KCNB2: variants seen among roughly 807,000 people sequenced by gnomAD.
The protein encoded by KCNB2 is potassium voltage-gated channel subfamily B member 2.
Under a neutral mutation model 61.5 loss-of-function variants are expected in KCNB2, and 15 were observed. That is an observed-to-expected ratio of 0.24 (90% CI 0.16 to 0.38). The LOEUF (loss-of-function observed/expected upper bound fraction) is 0.38, where lower values mean the gene tolerates loss of function less well. KCNB2 is among the 10% of genes least tolerant of loss of function. The pLI, the probability that KCNB2 is intolerant of heterozygous loss-of-function variation, is 1.00. For synonymous variants in KCNB2, 457 were observed against 446.0 expected (o/e 1.02, Z -0.31); for missense variants, 828 against 1,125.2 (o/e 0.74, Z 3.78).
At chr8:72,894,266 C>T (rs558232581) in intron 2 of KCNB2, among the ~76,000 whole-genome samples, 2 of 152,042 alleles carry the variant, frequency 1.3e-5, no homozygotes, top group East Asian at 3.9e-4. Context: ...AAGGGTGGAG[C>T]TCAGCAGGAG....
chr8:72,817,763 G>A (rs973991803), intron 2 of KCNB2, among the ~76,000 whole-genome samples: 1 of 152,068 alleles, frequency 6.6e-6, no homozygotes, highest in Admixed American at 6.6e-5. Flanking sequence ...ATTCCTTAGT[G>A]ACTGAAACAA....
intron 2 of KCNB2, among the ~76,000 whole-genome samples, chr8:72,641,397 T>C (rs894137764): frequency 6.6e-6 from 1 of 152,118 alleles, no homozygotes; most frequent in African/African-American, 2.4e-5. Context: ...AAGGGAGAGA[T>C]ATGTACTGTG....
chr8:72,756,628 T>A (rs1178093561), intron 2 of KCNB2, among the ~76,000 whole-genome samples: 1 of 152,186 alleles, frequency 6.6e-6, no homozygotes, highest in African/African-American at 2.4e-5. Context: ...AAGCCACCGA[T>A]TTAATCGAAA....
At chr8:72,784,016 GA>G (rs1452634478) in intron 2 of KCNB2, among the ~76,000 whole-genome samples, 1 of 152,036 alleles carries the variant, frequency 6.6e-6, no homozygotes, top group African/African-American at 2.4e-5. Flanking sequence ...AGTTCTAAGC[GA>G]ATATTCTAAT....
intron 2 of KCNB2, among the ~76,000 whole-genome samples, chr8:72,605,868 A>T (rs148085899): frequency 6.6e-6 from 1 of 152,164 alleles, no homozygotes; most frequent in South Asian, 2.1e-4. Flanking sequence ...TAACTTTTTG[A>T]TAGAAGCTGC....
intron 1 of KCNB2, among the ~76,000 whole-genome samples, chr8:72,539,314 A>C (rs1806159165): frequency 6.6e-6 from 1 of 152,206 alleles, no homozygotes; most frequent in African/African-American, 2.4e-5. Flanking sequence ...CTCTGAAAAT[A>C]CTGAAGGTCC....
rs1808329834 is a variant in KCNB2, at chr8:72,758,574, CTGTT to C, written c.580-177355_580-177352del. On this transcript the variant is annotated intron_variant, in intron 2 of 2. Transcript: ENST00000523207. ...CTCACTTTTCTGAGAGTAAAATCTCCTGTTTGTTTTATTCAAGATGCTCATCTGC... is the reference window on the plus strand; with the variant it reads ...CTCACTTTTCTGAGAGTAAAATCTCCTGTTTTATTCAAGATGCTCATCTGC... 4.6e-5 allele frequency among the ~76,000 whole-genome samples: 7 copies of C among 152,238 alleles called. No individual in the cohort carries two copies. The South Asian group carries it at 1.5e-3, about 32-fold the overall frequency.
chr8:72,614,360 T>C (rs143913495), intron 2 of KCNB2, among the ~76,000 whole-genome samples: 118 of 152,296 alleles, frequency 7.7e-4, no homozygotes, highest in African/African-American at 2.6e-3. Flanking sequence ...TGCATGATGG[T>C]AGGTGTGGAA....
chr8:72,640,766 A>G (rs2128985674), intron 2 of KCNB2, among the ~76,000 whole-genome samples: 1 of 152,262 alleles, frequency 6.6e-6, no homozygotes, highest in South Asian at 2.1e-4. Flanking sequence ...AACATAGCCA[A>G]TAGACTCTTC....
chr8:72,838,442 T>G (rs1246116004), intron 2 of KCNB2, among the ~76,000 whole-genome samples: 1 of 152,234 alleles, frequency 6.6e-6, no homozygotes, highest in Non-Finnish European at 1.5e-5. Context: ...GGACATGAAC[T>G]CATCCTTTTT....
chr8:72,576,735 C>G (rs1317109818), intron 2 of KCNB2, among the ~76,000 whole-genome samples: 1 of 152,184 alleles, frequency 6.6e-6, no homozygotes, highest in Non-Finnish European at 1.5e-5. Context: ...TTCCCAGTGT[C>G]CCCTGGACCG....
intron 2 of KCNB2, among the ~76,000 whole-genome samples, chr8:72,766,758 A>G (rs1808465742): frequency 6.6e-6 from 1 of 152,206 alleles, no homozygotes; most frequent in South Asian, 2.1e-4. Flanking sequence ...ATCCATTTGG[A>G]GTGCTAAGAA....
At chr8:72,702,157 A>T (rs1807141783) in intron 2 of KCNB2, among the ~76,000 whole-genome samples, 1 of 152,200 alleles carries the variant, frequency 6.6e-6, no homozygotes, top group South Asian at 2.1e-4. Context: ...TCACAACATG[A>T]TCTTCTCAGA....
chr8:72,633,343 G>T (rs945836362), intron 2 of KCNB2, among the ~76,000 whole-genome samples: 1 of 152,092 alleles, frequency 6.6e-6, no homozygotes, highest in Admixed American at 6.6e-5. Flanking sequence ...CCTCTAGCTG[G>T]AGAACAATCT....
intron 2 of KCNB2, among the ~76,000 whole-genome samples, chr8:72,590,516 AGT>A (rs965028751): frequency 6.6e-6 from 1 of 152,192 alleles, no homozygotes; most frequent in African/African-American, 2.4e-5. Context: ...GCCCGTGAAA[AGT>A]GAATCCTTTC....
intron 2 of KCNB2, among the ~76,000 whole-genome samples, chr8:72,582,377 T>G (rs1232626808): frequency 6.6e-6 from 1 of 152,212 alleles, no homozygotes; most frequent in Non-Finnish European, 1.5e-5. Context: ...GGCCAGTCCC[T>G]GTCTCAGATG....
At chr8:72,574,831 T>C (rs1806771004) in intron 2 of KCNB2, among the ~76,000 whole-genome samples, 1 of 152,220 alleles carries the variant, frequency 6.6e-6, no homozygotes, top group Non-Finnish European at 1.5e-5. Flanking sequence ...GTTTGTTTTC[T>C]TTGTTTCAAG....
intron 2 of KCNB2, among the ~76,000 whole-genome samples, chr8:72,787,093 A>C (rs1197198490): frequency 6.6e-6 from 1 of 152,328 alleles, no homozygotes; most frequent in African/African-American, 2.4e-5. Flanking sequence ...TTCCCCTGAC[A>C]CAGGGAGTAA....
chr8:72,847,680 A>G (rs1214306600), intron 2 of KCNB2, among the ~76,000 whole-genome samples: 1 of 152,204 alleles, frequency 6.6e-6, no homozygotes, highest in South Asian at 2.1e-4. Flanking sequence ...CTGAGACGTC[A>G]TTAGAATTTC....
Sources: allele counts gnomAD v4.1 joint callset (sites outside exome capture counted in the v4.1 genomes callset), GRCh38; gene constraint gnomAD v4.1.1; transcripts MANE v1.5; gene names NCBI Gene and HGNC (gene_info 2026-07-23, HGNC 2026-07-21).